Variants in HS6ST3 observed in about 807,000 individuals in gnomAD.
HS6ST3 encodes the protein heparan-sulfate 6-O-sulfotransferase 3.
Under a neutral mutation model 36.7 loss-of-function variants are expected in HS6ST3, and 12 were observed. That is an observed-to-expected ratio of 0.33 (90% CI 0.21 to 0.53). HS6ST3 has a LOEUF of 0.53. Ranked by LOEUF, HS6ST3 falls within the 20% of genes least tolerant of loss-of-function variation. The probability of loss-of-function intolerance (pLI) is 0.95; values close to 1 mark genes in which losing one functional copy is unlikely to be tolerated. For missense variants in HS6ST3, 584 were observed against 640.9 expected (o/e 0.91, Z 0.96); for synonymous variants, 240 against 257.5 (o/e 0.93, Z 0.65).
intron 1 of HS6ST3, among the ~76,000 whole-genome samples, chr13:96,787,105 G>A (rs1877671400): frequency 6.6e-6 from 1 of 152,138 alleles, no homozygotes; most frequent in Admixed American, 6.5e-5. Flanking sequence ...ATGCCCCACA[G>A]TTTGTTTATC....
intron 1 of HS6ST3, among the ~76,000 whole-genome samples, chr13:96,680,906 C>T (rs755342093): frequency 6.6e-6 from 1 of 152,234 alleles, no homozygotes; most frequent in Non-Finnish European, 1.5e-5. Context: ...GCCACATAAA[C>T]ATCTTGGAAT....
At chr13:96,279,139 T>C (rs984151834) in intron 1 of HS6ST3, among the ~76,000 whole-genome samples, 1 of 152,166 alleles carries the variant, frequency 6.6e-6, no homozygotes, top group Non-Finnish European at 1.5e-5. Context: ...TAATTGTATA[T>C]AAATAAAGTA....
At chr13:96,484,903 G>A (rs2055906806) in intron 1 of HS6ST3, among the ~76,000 whole-genome samples, 1 of 152,052 alleles carries the variant, frequency 6.6e-6, no homozygotes, top group South Asian at 2.1e-4. Flanking sequence ...ATTTTTTGAG[G>A]CACCTCCATA....
At chr13:96,597,367 C>A (rs1484052577) in intron 1 of HS6ST3, among the ~76,000 whole-genome samples, 1 of 151,074 alleles carries the variant, frequency 6.6e-6, no homozygotes, top group Non-Finnish European at 1.5e-5. Flanking sequence ...AAAAAAAGGT[C>A]ATTCTGGCTG....
At chr13:96,664,902 T>C (rs2056658396) in intron 1 of HS6ST3, among the ~76,000 whole-genome samples, 1 of 152,188 alleles carries the variant, frequency 6.6e-6, no homozygotes, top group African/African-American at 2.4e-5. Flanking sequence ...CTAAGCATGG[T>C]GGCTCATGCC....
At chr13:96,815,612 C>T (rs1878404496) in intron 1 of HS6ST3, among the ~76,000 whole-genome samples, 1 of 152,120 alleles carries the variant, frequency 6.6e-6, no homozygotes, top group African/African-American at 2.4e-5. Context: ...CCCCACCCAT[C>T]ATAGCAGATC....
chr13:96,779,167 T>A (rs1877465566), intron 1 of HS6ST3, among the ~76,000 whole-genome samples: 3 of 151,948 alleles, frequency 2.0e-5, no homozygotes, highest in African/African-American at 7.3e-5. Context: ...TGGGGCCTAT[T>A]GATGAGTGGG....
intron 1 of HS6ST3, among the ~76,000 whole-genome samples, chr13:96,491,683 C>A (rs1026151676): frequency 1.3e-5 from 2 of 152,068 alleles, no homozygotes; most frequent in Non-Finnish European, 2.9e-5. Context: ...ATAAGTTATA[C>A]CTTAGCTATT....
intron 1 of HS6ST3, among the ~76,000 whole-genome samples, chr13:96,161,309 T>A (rs985865516): frequency 6.6e-6 from 1 of 152,126 alleles, no homozygotes; most frequent in Non-Finnish European, 1.5e-5. Flanking sequence ...GAAAGTTTCA[T>A]AGGAGAGATA....
At chr13:96,678,040 G>A (rs1011546209) in intron 1 of HS6ST3, among the ~76,000 whole-genome samples, 5 of 152,092 alleles carry the variant, frequency 3.3e-5, no homozygotes, top group African/African-American at 1.2e-4. Flanking sequence ...CTAGAGGCTG[G>A]GAAGTCCAAG....
chr13:96,214,334 A>G (rs1229758775), intron 1 of HS6ST3, among the ~76,000 whole-genome samples: 1 of 152,100 alleles, frequency 6.6e-6, no homozygotes, highest in African/African-American at 2.4e-5. Context: ...TAGCCCCACG[A>G]ATCCCCCAAG....
rs1346503287 is a variant in HS6ST3 at position 96,366,848 on chromosome 13, C to T, written c.707+275279C>T. ...TAATTGAATCATGGGGGCAGTTTTC[C>T]CCATACTGTTCTCATGGTAGTGAAT... On this transcript the variant is annotated intron_variant, in intron 1 of 1. Transcript: ENST00000376705. 3.3e-5 allele frequency among the ~76,000 whole-genome samples: 5 copies of T among 152,224 alleles called. No individual in the cohort carries two copies. The East Asian group carries it at 9.7e-4, about 29-fold the overall frequency.
At chr13:96,173,305 G>A (rs991860583) in intron 1 of HS6ST3, among the ~76,000 whole-genome samples, 1 of 152,156 alleles carries the variant, frequency 6.6e-6, no homozygotes, top group Non-Finnish European at 1.5e-5. Context: ...AGCACCATTA[G>A]CAAAGATCCT....
chr13:96,704,163 G>T (rs555387352), intron 1 of HS6ST3, among the ~76,000 whole-genome samples: 1 of 152,078 alleles, frequency 6.6e-6, no homozygotes, highest in Non-Finnish European at 1.5e-5. Context: ...CATAATTTGC[G>T]CCAAAGCAAA....
chr13:96,711,107 G>A (rs1307817621), intron 1 of HS6ST3, among the ~76,000 whole-genome samples: 3 of 152,082 alleles, frequency 2.0e-5, no homozygotes, highest in Non-Finnish European at 1.5e-5. Context: ...TCCAAAATGA[G>A]GCAAGCAACC....
At chr13:96,637,810 T>G (rs2056555042) in intron 1 of HS6ST3, among the ~76,000 whole-genome samples, 1 of 152,152 alleles carries the variant, frequency 6.6e-6, no homozygotes. Flanking sequence ...ATTCTTTTTA[T>G]TTAAAGCCCA....
chr13:96,802,194 A>G (rs937093764), intron 1 of HS6ST3, among the ~76,000 whole-genome samples: 2 of 152,150 alleles, frequency 1.3e-5, no homozygotes, highest in African/African-American at 2.4e-5. Context: ...CTTTACAGCA[A>G]TGGACCCATT....
intron 1 of HS6ST3, among the ~76,000 whole-genome samples, chr13:96,223,921 T>C (rs1436414656): frequency 6.6e-6 from 1 of 152,094 alleles, no homozygotes; most frequent in Non-Finnish European, 1.5e-5. Flanking sequence ...GTTCTTTATA[T>C]AATCTAAAGC....
intron 1 of HS6ST3, among the ~76,000 whole-genome samples, chr13:96,341,745 T>C (rs1024055331): frequency 3.9e-5 from 6 of 152,142 alleles, no homozygotes; most frequent in Non-Finnish European, 5.9e-5. Context: ...TAACAAAACA[T>C]AGGAAATTGG....
Sources: allele counts gnomAD v4.1 joint callset (sites outside exome capture counted in the v4.1 genomes callset), GRCh38; gene constraint gnomAD v4.1.1; transcripts MANE v1.5; gene names NCBI Gene and HGNC (gene_info 2026-07-23, HGNC 2026-07-21).